Variants in XKR6 observed in about 807,000 individuals in gnomAD.
The protein encoded by XKR6 is XK-related protein 6.
Under a neutral mutation model 56.7 loss-of-function variants are expected in XKR6, and 22 were observed. The observed-to-expected ratio is 0.39, with a 90% confidence interval of 0.28 to 0.55. The LOEUF (loss-of-function observed/expected upper bound fraction) is 0.55. XKR6 is among the 20% of genes least tolerant of loss of function. The pLI is 0.66. For synonymous variants in XKR6, 524 were observed against 387.8 expected, an observed-to-expected ratio of 1.35 and a Z score of -4.13; for missense variants, 852 against 889.0, an observed-to-expected ratio of 0.96 and a Z score of 0.53.
At chr8:11,140,560 G>C (rs900195649) in intron 1 of XKR6, among the ~76,000 whole-genome samples, 1 of 152,068 alleles carries the variant, frequency 6.6e-6, no homozygotes, top group African/African-American at 2.4e-5. Flanking sequence ...AAGTATCAAG[G>C]GGACAGTTAT....
chr8:11,063,790 C>T (rs1330492262), intron 1 of XKR6, among the ~76,000 whole-genome samples: 3 of 152,182 alleles, frequency 2.0e-5, no homozygotes, highest in Non-Finnish European at 4.4e-5. Context: ...CTCTTTCCCA[C>T]CTGCAACTTG....
At chr8:11,162,001 G>A (rs1014657604) in intron 1 of XKR6, among the ~76,000 whole-genome samples, 9 of 151,970 alleles carry the variant, frequency 5.9e-5, no homozygotes, top group African/African-American at 1.2e-4. Context: ...TTCTCATCTC[G>A]TCCCACTTCA....
chr8:11,029,398 A>C (rs1313351838), intron 1 of XKR6, among the ~76,000 whole-genome samples: 2 of 152,206 alleles, frequency 1.3e-5, no homozygotes, highest in African/African-American at 4.8e-5. Context: ...TGATGGTATT[A>C]GGAAATGGGG....
At chr8:11,172,050 G>A (rs1278556369) in intron 1 of XKR6, among the ~76,000 whole-genome samples, 2 of 145,638 alleles carry the variant, frequency 1.4e-5, no homozygotes, top group African/African-American at 2.6e-5. Flanking sequence ...AAGATCCCCT[G>A]TCAAAAAATA....
intron 1 of XKR6, chr8:11,137,841 C>G (rs1800484797): frequency 2.7e-6 from 1 of 366,806 alleles, no homozygotes; most frequent in Non-Finnish European, 5.4e-6. Flanking sequence ...TCAATTAAGG[C>G]AAATGAGGAA....
In XKR6 at chr8:11,116,441, G is replaced by A. The variant is rs561021131; in HGVS notation, c.764+84135C>T. 2.0e-5 allele frequency among the ~76,000 whole-genome samples: 3 copies of A among 152,200 alleles called. No homozygotes were observed. In the South Asian group the frequency reaches 6.2e-4, roughly 32 times the overall value. On this transcript the variant is annotated intron_variant, in intron 1 of 2. Transcript: ENST00000416569. ...GCTGGAATGCAGTGACACAATCTTG[G>A]CTCACTGCAACCTCCACCTCCTGGG... is the stretch of plus-strand genomic sequence containing the variant.
intron 1 of XKR6, among the ~76,000 whole-genome samples, chr8:11,161,633 T>C (rs972501933): frequency 2.6e-5 from 4 of 152,264 alleles, no homozygotes; most frequent in Non-Finnish European, 4.4e-5. Flanking sequence ...TCTCATATAC[T>C]GTAAACACTT....
chr8:11,199,545 A>AT (rs936916364), intron 1 of XKR6, among the ~76,000 whole-genome samples: 39 of 152,162 alleles, frequency 2.6e-4, no homozygotes, highest in Admixed American at 5.9e-4. Context: ...CTTCAGTAAG[A>AT]TTTTTTTCTC....
chr8:10,909,545 C>T (rs1447936887), intron 2 of XKR6, among the ~76,000 whole-genome samples: 1 of 152,208 alleles, frequency 6.6e-6, no homozygotes, highest in Non-Finnish European at 1.5e-5. Flanking sequence ...TCTGGAATTA[C>T]ATGCAAAACT....
intron 1 of XKR6, among the ~76,000 whole-genome samples, chr8:10,943,489 C>A (rs113128944): frequency 4.6e-5 from 7 of 152,262 alleles, no homozygotes; most frequent in African/African-American, 1.7e-4. Context: ...TAAGGGTGCC[C>A]CTCTCTGTAT....
At chr8:10,907,013 A>C (rs1800205182) in intron 2 of XKR6, among the ~76,000 whole-genome samples, 1 of 151,816 alleles carries the variant, frequency 6.6e-6, no homozygotes, top group Non-Finnish European at 1.5e-5. Flanking sequence ...ACACCACTGC[A>C]CTCCAGCCTG....
chr8:10,931,502 C>T (rs549430159), intron 1 of XKR6, among the ~76,000 whole-genome samples: 49 of 152,102 alleles, frequency 3.2e-4, no homozygotes, highest in African/African-American at 1.1e-3. Flanking sequence ...TCACACTACT[C>T]GATTTTAGGA....
intron 1 of XKR6, among the ~76,000 whole-genome samples, chr8:11,084,271 G>T (rs981610188): frequency 6.6e-6 from 1 of 152,200 alleles, no homozygotes; most frequent in Non-Finnish European, 1.5e-5. Context: ...TGGTCAGAAC[G>T]CCATCTGCGT....
chr8:11,114,701 A>C (rs1445300459), intron 1 of XKR6, among the ~76,000 whole-genome samples: 1 of 149,824 alleles, frequency 6.7e-6, no homozygotes, highest in Non-Finnish European at 1.5e-5. Flanking sequence ...ACAATATTTT[A>C]ATGAAGTCAG....
chr8:10,964,058 C>T (rs1046163267), intron 1 of XKR6, among the ~76,000 whole-genome samples: 2 of 152,344 alleles, frequency 1.3e-5, no homozygotes, highest in South Asian at 2.1e-4. Context: ...GGGCCACCAA[C>T]ACAGAGTACC....
chr8:11,031,419 C>T (rs1798990436), intron 1 of XKR6, among the ~76,000 whole-genome samples: 1 of 152,132 alleles, frequency 6.6e-6, no homozygotes, highest in Non-Finnish European at 1.5e-5. Flanking sequence ...GAGGCAGGTC[C>T]GAGTAAGGCA....
chr8:11,065,644 TCCTGG>T, intron 1 of XKR6, among the ~76,000 whole-genome samples: 1 of 152,322 alleles, frequency 6.6e-6, no homozygotes, highest in East Asian at 1.9e-4. Flanking sequence ...TAGTATTCTT[TCCTGG>T]CTTGCGAACA....
At chr8:10,991,149 C>T (rs1164201034) in intron 1 of XKR6, among the ~76,000 whole-genome samples, 2 of 152,092 alleles carry the variant, frequency 1.3e-5, no homozygotes, top group African/African-American at 4.8e-5. Flanking sequence ...GGTGATCCAC[C>T]TGTCTCAGCC....
chr8:11,022,674 G>C (rs932671990), intron 1 of XKR6, among the ~76,000 whole-genome samples: 7 of 152,162 alleles, frequency 4.6e-5, no homozygotes, highest in African/African-American at 7.2e-5. Context: ...CCCTTTTACA[G>C]ATGCAAACAC....
Sources: allele counts gnomAD v4.1 joint callset (sites outside exome capture counted in the v4.1 genomes callset), GRCh38; gene constraint gnomAD v4.1.1; transcripts MANE v1.5; gene names NCBI Gene and HGNC (gene_info 2026-07-23, HGNC 2026-07-21).